NEB: variants seen among roughly 807,000 people sequenced by gnomAD.
NEB encodes the protein nebulin.
NEB carries 512 observed loss-of-function variants against 952.2 expected under a neutral mutation model. The ratio of observed to expected loss-of-function variants is 0.54; its 90% CI spans 0.50 to 0.58. The LOEUF is 0.58. Among genes scored for constraint, NEB ranks in the 20% least tolerant of loss-of-function variants. The pLI is 0.00. For synonymous variants in NEB, 2,900 were observed against 3,149.8 expected, an observed-to-expected ratio of 0.92 and a Z score of 2.66; for missense variants, 8,428 against 9,231.1, an observed-to-expected ratio of 0.91 and a Z score of 3.56.
At chr2:151,525,116 C>G (rs1438971753) in intron 151 of NEB, 47 bp downstream of exon 151, 4 of 1,314,282 alleles carry the variant, frequency 3.0e-6, no homozygotes, top group Non-Finnish European at 4.4e-6. Context: ...AATCTGGGTT[C>G]CACTGCTTCA....
chr2:151,672,594 A>G lies in NEB; in HGVS notation c.4074T>C (p.Tyr1358=), dbSNP rs767060740. The change falls in exon 37 of 182, where the codon TAT becomes TAC. Residue 1358 remains tyrosine (Y), a synonymous_variant. Transcript: ENST00000397345. The stretch of plus-strand genomic sequence containing the variant: ...CAGACTGCAGCTTTGCCACATTCAT[A>G]TAGTGGACCAGCTTGGGATCATCCT... ...SLQDDPKLVH[Y]MNVAKLQSDR... is the part of the protein sequence containing the mutation. The G allele has an allele frequency of 1.2e-6, 2 of 1,614,002 alleles. No homozygotes were observed. The highest frequency in any genetic ancestry group is 1.1e-5 in the South Asian group (1 of 91,086).
intron 137 of NEB, 102 bp from the exon 138 acceptor site, chr2:151,540,550 T>C (rs1429038537): frequency 4.5e-6 from 5 of 1,112,412 alleles, no homozygotes; most frequent in Non-Finnish European, 5.3e-6. Context: ...TGTTACACAC[T>C]TTAAGAGAAT....
At position 151,493,824 on chromosome 2, in the gene NEB, AAGGGTGTGG is replaced by A. The variant is rs1559159701; in HGVS notation, c.24614_24622del (p.Pro8205_Phe8208delinsLeu). The A allele has an allele frequency of 2.5e-6, 4 of 1,588,598 alleles. No homozygotes were observed. The highest frequency in any genetic ancestry group is 3.4e-6 in the Non-Finnish European group (4 of 1,165,972). On this transcript the variant is annotated inframe_deletion, in exon 175 of 182. Coordinates refer to ENST00000397345, the MANE Select transcript of NEB (RefSeq NM_001164508.2). ...TTTCACTCTTTCCATCTCAGGAGTA[AAGGGTGTGG>A]GGGTTGCTTTCCCCAGGTTCTCTTT...
intron 18 of NEB, among the ~76,000 whole-genome samples, chr2:151,695,131 G>A (rs1404257592): frequency 6.6e-6 from 1 of 152,110 alleles, no homozygotes; most frequent in Non-Finnish European, 1.5e-5. Context: ...GGATAGAAAT[G>A]GGTATCTGGA....
chr2:151,664,382 C>A lies in NEB; in HGVS notation c.5451+119G>T, dbSNP rs566221198. ...GGGTGAAGGGAGGTGTCTTGTGTCA[C>A]ATGGGATGGCATTCCCACCAACCCT... On this transcript the variant is annotated intron_variant, in intron 44 of 181. Transcript: ENST00000397345. 5.9e-5 allele frequency: 39 copies of A among 659,098 alleles called. 1 individual carries two copies. In the South Asian group the frequency reaches 9.0e-4, roughly 15 times the overall value. The allele number at this position is 659,098 out of a possible 1,614,324, so 40.8% of individuals were successfully genotyped here.
At chr2:151,680,867 T>G in intron 29 of NEB, 39 bp from the exon 30 acceptor site, 1 of 1,442,552 alleles carries the variant, frequency 6.9e-7, no homozygotes, top group Non-Finnish European at 9.8e-7. Context: ...AATCTTGTTT[T>G]CCACTGAAGA....
Position 151,681,788 on chromosome 2 carries a change from C to A in NEB, c.2943+874G>T, listed in dbSNP as rs113786286. Among the ~76,000 whole-genome samples, 121 of 152,190 alleles carry A rather than the reference C, an allele frequency of 8.0e-4. 1 individual carries two copies. The highest frequency in any genetic ancestry group is 2.8e-3 in the African/African-American group (115 of 41,506). On this transcript the variant is annotated intron_variant, in intron 29 of 181. Coordinates refer to ENST00000397345, the MANE Select transcript of NEB (RefSeq NM_001164508.2). ...TGCCTTATGAGCCTCAAGATCATCA[C>A]TATTTTTTCTTACACTGAATTATAA...
intron 52 of NEB, 133 bp from the exon 53 acceptor site, chr2:151,651,018 G>A: frequency 2.4e-6 from 2 of 839,536 alleles, no homozygotes; most frequent in Non-Finnish European, 3.5e-6. Flanking sequence ...TGAACTCCCA[G>A]GCCTACTTTT....
intron 156 of NEB, 139 bp from the exon 157 acceptor site, chr2:151,516,702 T>G: frequency 1.5e-6 from 1 of 668,562 alleles, no homozygotes; most frequent in Non-Finnish European, 2.7e-6. Flanking sequence ...CCTGTTATGT[T>G]TCAGATCCAG....
chr2:151,717,488 T>C lies in NEB; in HGVS notation c.750A>G (p.Gln250=). 6.2e-7 allele frequency: 1 copy of C among 1,613,992 alleles called. No homozygotes were observed. The highest frequency in any genetic ancestry group is 8.5e-7 in the Non-Finnish European group (1 of 1,179,848). Residue 250 remains glutamine, a synonymous_variant, in exon 10 of 182, where the codon CAA becomes CAG. Coordinates refer to ENST00000397345, the MANE Select transcript of NEB (RefSeq NM_001164508.2). ...VAYKKGLAEQ[Q]AQFTPLADPP... ...GATCAGCCAGAGGCGTGAATTGAGC[T>C]TGCTGTTCAGCGAGACCTTTTTTGT...
chr2:151,705,876 A>G (rs2099703818), intron 13 of NEB, among the ~76,000 whole-genome samples: 1 of 152,208 alleles, frequency 6.6e-6, no homozygotes, highest in African/African-American at 2.4e-5. Flanking sequence ...AGCTATGAGG[A>G]CACAAAGGCA....
At chr2:151,560,798 C>A in intron 123 of NEB, 99 bp from the exon 124 acceptor site, 1 of 812,658 alleles carries the variant, frequency 1.2e-6, no homozygotes, top group South Asian at 1.7e-5. Flanking sequence ...CTCACACACT[C>A]CCTACTAACT....
At chr2:151,513,822 T>C in intron 159 of NEB, 129 bp from the exon 160 acceptor site, 1 of 673,978 alleles carries the variant, frequency 1.5e-6, no homozygotes, top group Non-Finnish European at 2.6e-6. Flanking sequence ...TTGCTACTCT[T>C]CACCTTCGCT....
rs779165221 is a variant in NEB at position 151,690,718 on chromosome 2, A to T, written c.2310+9T>A. On this transcript the variant is annotated intron_variant, in intron 24 of 181. Coordinates refer to ENST00000397345, the MANE Select transcript of NEB (RefSeq NM_001164508.2). ...GGTCACCCACGCTTGCATAAATCAAAGCACTTACATCACTAAGCTGTTTCG... is the reference window on the plus strand; with the variant it reads ...GGTCACCCACGCTTGCATAAATCAATGCACTTACATCACTAAGCTGTTTCG... 6.4e-7 allele frequency: 1 copy of T among 1,570,962 alleles called. No individual in the cohort carries two copies.
At position 151,655,961 on chromosome 2, in the gene NEB, A is replaced by G. The variant is rs779503792; in HGVS notation, c.6558T>C (p.Ser2186=). Reference sequence around the variant, plus strand: ...CTTTCTTGGCCTTCTCCACTTCCAGAGAACCTGCTGGACTCCAGCCAAGCC... The same window carrying G: ...CTTTCTTGGCCTTCTCCACTTCCAGGGAACCTGCTGGACTCCAGCCAAGCC... ...YKGLGWSPAG[S]LEVEKAKKAT... is the part of the protein sequence containing the mutation. The change falls in exon 50 of 182, where the codon TCT becomes TCC. Residue 2186 remains serine (S), a synonymous_variant. Coordinates refer to ENST00000397345, the MANE Select transcript of NEB (RefSeq NM_001164508.2). 3 of 1,613,730 alleles carry G rather than the reference A, an allele frequency of 1.9e-6. No individual in the cohort carries two copies. The highest frequency in any genetic ancestry group is 2.5e-6 in the Non-Finnish European group (3 of 1,179,758).
Position 151,640,412 on chromosome 2 carries a change from G to A in NEB, c.8628C>T (p.Cys2876=), listed in dbSNP as rs375721498. The change falls in exon 61 of 182, where the codon TGC becomes TGT. Residue 2876 remains cysteine, a synonymous_variant. Coordinates refer to ENST00000397345, the MANE Select transcript of NEB (RefSeq NM_001164508.2). ...DYKNYLHQWT[C]LPDQSDVIHA... is the part of the protein sequence containing the mutation. ...GGATGACGTCGCTCTGGTCGGGCAG[G>A]CATGTCCACTGGTGCAGGTAGTTCT... 6.2e-6 allele frequency: 10 copies of A among 1,613,836 alleles called. No homozygotes were observed. The highest frequency in any genetic ancestry group is 8.5e-6 in the Non-Finnish European group (10 of 1,179,882).
intron 181 of NEB, among the ~76,000 whole-genome samples, chr2:151,487,904 C>T (rs2152705523): frequency 6.6e-6 from 1 of 152,226 alleles, no homozygotes; most frequent in Non-Finnish European, 1.5e-5. Context: ...AGCCACTATT[C>T]CTGACCTAAT....
At chr2:151,519,853 G>T in intron 153 of NEB, 85 bp from the exon 154 acceptor site, 1 of 853,858 alleles carries the variant, frequency 1.2e-6, no homozygotes, top group Non-Finnish European at 2.0e-6. Flanking sequence ...AAATGCCAAA[G>T]AATATGCATT....
chr2:151,515,048 G>C, intron 157 of NEB, 120 bp from the exon 158 acceptor site: 1 of 647,440 alleles, frequency 1.5e-6, no homozygotes, highest in Non-Finnish European at 2.7e-6. Flanking sequence ...TCATAGTTCT[G>C]CTAATGGTCA....
Sources: gnomAD v4.1 joint callset for allele counts (sites outside exome capture counted in the v4.1 genomes callset) on GRCh38, gnomAD v4.1.1 for gene constraint, MANE v1.5 for transcripts, NCBI Gene and HGNC (gene_info 2026-07-23, HGNC 2026-07-21) for gene names.